The following PTBP2 variants were observed in gnomAD, a reference collection of about 807,000 sequenced individuals.
The protein encoded by PTBP2 is polypyrimidine tract-binding protein 2.
PTBP2 carries 13 observed loss-of-function variants against 61.4 expected under a neutral mutation model. The observed-to-expected ratio is 0.21, with a 90% CI of 0.14 to 0.34. The LOEUF (loss-of-function observed/expected upper bound fraction) is 0.34. Among genes scored for constraint, PTBP2 ranks in the 10% least tolerant of loss-of-function variants. The pLI is 1.00. For missense variants in PTBP2, 405 were observed against 642.6 expected (o/e 0.63, Z 4.00); for synonymous variants, 215 against 218.5 (o/e 0.98, Z 0.14).
At chr1:96,781,510 C>G (rs1383796049) in intron 7 of PTBP2, among the ~76,000 whole-genome samples, 5 of 151,976 alleles carry the variant, frequency 3.3e-5, no homozygotes, top group African/African-American at 1.2e-4. Context: ...ATGTCTCGAT[C>G]TTACAGATTG....
intron 8 of PTBP2, among the ~76,000 whole-genome samples, chr1:96,802,450 A>G (rs1379494019): frequency 1.3e-5 from 2 of 152,278 alleles, no homozygotes; most frequent in East Asian, 3.9e-4. Flanking sequence ...TAGAGTTTTT[A>G]GATTATTTTA....
At chr1:96,805,050 C>G in intron 9 of PTBP2, 111 bp downstream of exon 9, 1 of 823,764 alleles carries the variant, frequency 1.2e-6, no homozygotes, top group Admixed American at 3.3e-5. Context: ...ATTCATTAGT[C>G]AAAGTATTTT....
At chr1:96,818,855 A>G (rs1420084748), downstream of PTBP2, 1 of 152,074 alleles carries the variant, frequency 6.6e-6, no homozygotes, top group East Asian at 1.9e-4. Flanking sequence ...GATCAAATGA[A>G]TAGTTTAGCA....
chr1:96,737,175 T>A (rs998815876), intron 2 of PTBP2, among the ~76,000 whole-genome samples: 3 of 151,924 alleles, frequency 2.0e-5, no homozygotes, highest in Non-Finnish European at 2.9e-5. Flanking sequence ...GAGATGGGTT[T>A]TACCATGGTC....
At chr1:96,764,333 A>G (rs68171384) in intron 3 of PTBP2, among the ~76,000 whole-genome samples, 44,411 of 152,084 alleles carry the variant, frequency 0.29, 7,212 homozygotes, top group East Asian at 0.44. Flanking sequence ...CAAAAATACA[A>G]CTGTTCCTAA....
intron 8 of PTBP2, among the ~76,000 whole-genome samples, chr1:96,793,277 T>G (rs184327105): frequency 7.9e-5 from 12 of 152,330 alleles, no homozygotes; most frequent in Admixed American, 7.2e-4. Context: ...ATTTTTAAAA[T>G]GTTAATTTTG....
Position 96,813,526 on chromosome 1 carries a change from T to C in PTBP2, c.*121T>C. 2 of 1,013,788 alleles carry C rather than the reference T, an allele frequency of 2.0e-6. No homozygotes were observed. The highest frequency in any genetic ancestry group is 2.7e-6 in the Non-Finnish European group (2 of 737,668). 62.8% of individuals were successfully genotyped at this position (1,013,788 alleles called of 1,614,324 possible). ...TGTTTTTGTTTTTTTGGGGTTTCTT[T>C]TTTTTTTCCATGCTGTTATCATTCC... On this transcript the variant is annotated 3_prime_UTR_variant, in exon 14 of 14. Coordinates refer to ENST00000674951, the MANE Select transcript of PTBP2 (RefSeq NM_021190.4).
At position 96,791,854 on chromosome 1, in the gene PTBP2, TAG is replaced by T. The variant is rs1468784128; in HGVS notation, c.904+6603_904+6604del. ...TTTTTTTTTTTTTTTTTTTTTGAGATAGAGTCTGGCTCTGTCACCCAGGCTGG... is the reference window on the plus strand; with the variant it reads ...TTTTTTTTTTTTTTTTTTTTTGAGATAGTCTGGCTCTGTCACCCAGGCTGG... On this transcript the variant is annotated intron_variant, in intron 8 of 13. Transcript: ENST00000674951. 6.9e-5 allele frequency among the ~76,000 whole-genome samples: 10 copies of T among 144,700 alleles called. No homozygotes were observed. In the East Asian group the frequency reaches 2.0e-3, roughly 29 times the overall value. The allele number at this position is 144,700 out of a possible 152,430, so 94.9% of individuals were successfully genotyped here. A position where few individuals can be genotyped will look rare whatever the true frequency, so the allele number is the denominator to read the frequency against.
downstream of PTBP2, chr1:96,816,803 T>G (rs982032317): frequency 1.3e-5 from 2 of 152,096 alleles, no homozygotes; most frequent in African/African-American, 4.8e-5. Context: ...TCTGCTCTGC[T>G]CCCCTCACAG....
rs368875382 is a variant in PTBP2 at position 96,751,520 on chromosome 1, C to G, written c.115+20C>G. ...TTACAGGTAAGTGTTACTCTCTTAG[C>G]AGTCTGTCATTTGCCATTTTAGGGG... On this transcript the variant is annotated intron_variant, in intron 3 of 13. Coordinates refer to ENST00000674951, the MANE Select transcript of PTBP2 (RefSeq NM_021190.4). The G allele has an allele frequency of 2.0e-5, 31 of 1,586,450 alleles. No homozygotes were observed. The African/African-American group carries it at 2.7e-4, about 14-fold the overall frequency.
At chr1:96,735,214 G>A (rs1473717314) in intron 2 of PTBP2, among the ~76,000 whole-genome samples, 2 of 151,960 alleles carry the variant, frequency 1.3e-5, no homozygotes, top group African/African-American at 4.8e-5. Context: ...CACTGTGCCT[G>A]GCCAATAAGT....
At chr1:96,747,887 C>CT (rs202057166) in intron 2 of PTBP2, among the ~76,000 whole-genome samples, 27 of 147,926 alleles carry the variant, frequency 1.8e-4, no homozygotes, top group African/African-American at 3.7e-4. Flanking sequence ...ATTTCATTGT[C>CT]TTTTTTTTTT....
rs369053938 is a variant in PTBP2 at position 96,734,903 on chromosome 1, C to CT, written c.39+11328dup. ...CTCAATAATTGTCTCCTTTTTTTTT[C>CT]TTTTTTTTTTTTTTTTTTTCCTGCT... On this transcript the variant is annotated intron_variant, in intron 2 of 13. Coordinates refer to ENST00000674951, the MANE Select transcript of PTBP2 (RefSeq NM_021190.4). 3.7e-3 allele frequency among the ~76,000 whole-genome samples: 457 copies of CT among 124,954 alleles called. 1 individual carries two copies. Among genetic ancestry groups the CT allele is most frequent in the South Asian group, 6.5e-3 (26 of 3,970 alleles). 82.0% of individuals were successfully genotyped at this position (124,954 alleles called of 152,430 possible).
At chr1:96,754,648 A>G (rs1654955505) in intron 3 of PTBP2, among the ~76,000 whole-genome samples, 1 of 152,198 alleles carries the variant, frequency 6.6e-6, no homozygotes, top group South Asian at 2.1e-4. Flanking sequence ...CATCATAATA[A>G]CATAAAGATA....
chr1:96,773,344 A>G (rs964902285), intron 5 of PTBP2, among the ~76,000 whole-genome samples: 1 of 152,056 alleles, frequency 6.6e-6, no homozygotes, highest in South Asian at 2.1e-4. Context: ...TTTATTTTTC[A>G]TCTTCTAAAG....
rs1402097683 is a variant in PTBP2 at position 96,770,856 on chromosome 1, G to GT, written c.432+6dup. ...ACAGATAATACATTAAACCAAGTAA[G>GT]TATGTGTAGGTACATAAATAAAATG... On this transcript the variant is annotated splice_donor_region_variant and intron_variant, in intron 5 of 13. Transcript: ENST00000674951. 6.5e-7 allele frequency: 1 copy of GT among 1,549,728 alleles called. No individual in the cohort carries two copies.
rs535579784 is a variant in PTBP2, at chr1:96,727,747, A to G, written c.39+4153A>G. Among the ~76,000 whole-genome samples, 5 of 152,076 alleles carry G rather than the reference A, an allele frequency of 3.3e-5. No homozygotes were observed. In the East Asian group the frequency reaches 9.7e-4, roughly 29 times the overall value. ...TTTTTTATTTGGTTATTTATTTTAA[A>G]TTGAGTTTTGAGAGGTCTTCATTGT... On this transcript the variant is annotated intron_variant, in intron 2 of 13. Transcript: ENST00000674951.
chr1:96,759,197 C>T (rs767704880), intron 3 of PTBP2, among the ~76,000 whole-genome samples: 17 of 152,096 alleles, frequency 1.1e-4, no homozygotes, highest in Non-Finnish European at 2.2e-4. Flanking sequence ...TGTTAACATG[C>T]CAGTTCTCCC....
intron 3 of PTBP2, among the ~76,000 whole-genome samples, chr1:96,762,847 T>C (rs1198992324): frequency 6.9e-6 from 1 of 145,978 alleles, no homozygotes; most frequent in Non-Finnish European, 1.5e-5. Context: ...GCGGAGGGAC[T>C]CCTCGCTTCT....
Sources: gnomAD v4.1 joint callset for allele counts (sites outside exome capture counted in the v4.1 genomes callset) on GRCh38, gnomAD v4.1.1 for gene constraint, MANE v1.5 for transcripts, NCBI Gene and HGNC (gene_info 2026-07-23, HGNC 2026-07-21) for gene names.